The following MAGI2 variants were observed in gnomAD, a reference collection of about 807,000 sequenced individuals.
MAGI2 encodes membrane associated guanylate kinase, WW and PDZ domain containing 2.
MAGI2 carries 35 observed loss-of-function variants against 133.3 expected under a neutral mutation model. That is an observed-to-expected ratio of 0.26 (90% CI 0.20 to 0.35). MAGI2 has a LOEUF of 0.35. MAGI2 is among the 10% of genes least tolerant of loss of function. The pLI, the probability that MAGI2 is intolerant of heterozygous loss-of-function variation, is 1.00. For synonymous variants in MAGI2, 729 were observed against 710.6 expected (o/e 1.03, Z -0.41); for missense variants, 1,636 against 1,863.4 (o/e 0.88, Z 2.25).
At chr7:78,890,893 A>G (rs891495948) in intron 2 of MAGI2, among the ~76,000 whole-genome samples, 3 of 151,992 alleles carry the variant, frequency 2.0e-5, no homozygotes, top group East Asian at 1.9e-4. Context: ...AGAACTGAAG[A>G]AAATAGAGAC....
intron 1 of MAGI2, among the ~76,000 whole-genome samples, chr7:79,262,263 T>C (rs1380512035): frequency 2.0e-5 from 3 of 152,194 alleles, no homozygotes; most frequent in Non-Finnish European, 4.4e-5. Context: ...TTGTTTTATT[T>C]AAGGTTATTT....
At chr7:78,308,292 C>A (rs909545931) in intron 9 of MAGI2, among the ~76,000 whole-genome samples, 1 of 152,140 alleles carries the variant, frequency 6.6e-6, no homozygotes, top group Non-Finnish European at 1.5e-5. Flanking sequence ...TCTGAGGCCA[C>A]CTTGAAATGG....
chr7:79,015,996 A>G lies in MAGI2; in HGVS notation c.302-8790T>C, dbSNP rs948252266. On this transcript the variant is annotated intron_variant, in intron 1 of 21. Coordinates refer to ENST00000354212, the MANE Select transcript of MAGI2 (RefSeq NM_012301.4). The stretch of plus-strand genomic sequence containing the variant: ...TCTAGCCCTCAATGACTCCTGGAGA[A>G]GCGGGGGGGGGGGGTGGGGGTTGAG... Among the ~76,000 whole-genome samples the G allele has an allele frequency of 1.1e-3, 34 of 32,304 alleles. No individual in the cohort carries two copies. The East Asian group carries it at 0.058, about 55-fold the overall frequency. 21.2% of individuals were successfully genotyped at this position (32,304 alleles called of 152,430 possible). A position where few individuals can be genotyped will look rare whatever the true frequency, so the allele number is the denominator to read the frequency against.
intron 7 of MAGI2, among the ~76,000 whole-genome samples, chr7:78,351,174 G>T (rs561497870): frequency 1.3e-5 from 2 of 152,096 alleles, no homozygotes; most frequent in African/African-American, 4.8e-5. Context: ...CAGGAAAGAG[G>T]ATATATCTCA....
chr7:79,194,901 T>C (rs901835606), intron 1 of MAGI2, among the ~76,000 whole-genome samples: 2 of 151,914 alleles, frequency 1.3e-5, no homozygotes, highest in African/African-American at 4.8e-5. Context: ...ATGAGAAATA[T>C]CATACTAAAT....
chr7:78,867,760 G>T (rs891088446), intron 2 of MAGI2, among the ~76,000 whole-genome samples: 5 of 152,254 alleles, frequency 3.3e-5, no homozygotes, highest in East Asian at 1.9e-4. Flanking sequence ...TGGTGGGAGA[G>T]CTGGGGAGAC....
Position 78,037,428 on chromosome 7 carries a change from T to C in MAGI2, c.3707-17452A>G, listed in dbSNP as rs534106046. On this transcript the variant is annotated intron_variant, in intron 21 of 21. Transcript: ENST00000354212. The stretch of plus-strand genomic sequence containing the variant: ...AGACTATTTGGAACCATCTGAGCCC[T>C]CATCGGTGTTGATAAAGCCTGCCTA... Among the ~76,000 whole-genome samples, 12 of 152,322 alleles carry C rather than the reference T, an allele frequency of 7.9e-5. No homozygotes were observed. In the South Asian group the frequency reaches 2.1e-3, roughly 26 times the overall value.
At chr7:78,863,251 G>A (rs572359905) in intron 2 of MAGI2, among the ~76,000 whole-genome samples, 30 of 152,332 alleles carry the variant, frequency 2.0e-4, no homozygotes, top group Non-Finnish European at 2.9e-4. Context: ...CCACTTGTCT[G>A]TTTAGTGTTG....
chr7:78,976,485 C>A (rs1804263077), intron 2 of MAGI2, among the ~76,000 whole-genome samples: 1 of 144,914 alleles, frequency 6.9e-6, no homozygotes, highest in African/African-American at 2.8e-5. Flanking sequence ...ATAAATAAAT[C>A]ACCTAACATC....
At chr7:79,449,505 G>T (rs1849089953) in intron 1 of MAGI2, among the ~76,000 whole-genome samples, 1 of 152,100 alleles carries the variant, frequency 6.6e-6, no homozygotes, top group Admixed American at 6.5e-5. Context: ...TGGCTGCTGT[G>T]AACTTTAGTG....
chr7:78,501,486 T>TG, intron 5 of MAGI2, 91 bp downstream of exon 5: 1 of 877,358 alleles, frequency 1.1e-6, no homozygotes, highest in Non-Finnish European at 1.6e-6. Context: ...GTTTTTTTCT[T>TG]TTTTTTTTTT....
chr7:78,493,140 G>C (rs890795156), intron 5 of MAGI2, among the ~76,000 whole-genome samples: 1 of 152,162 alleles, frequency 6.6e-6, no homozygotes, highest in Non-Finnish European at 1.5e-5. Context: ...TAAGCCAGAA[G>C]TGAAATTTCA....
chr7:78,042,852 A>T (rs1370399750), intron 21 of MAGI2, among the ~76,000 whole-genome samples: 1 of 152,196 alleles, frequency 6.6e-6, no homozygotes, highest in Non-Finnish European at 1.5e-5. Flanking sequence ...ACATCTGGGG[A>T]TGCCAAATGC....
intron 1 of MAGI2, among the ~76,000 whole-genome samples, chr7:79,220,324 G>A (rs1406536748): frequency 2.0e-5 from 3 of 151,974 alleles, no homozygotes; most frequent in Non-Finnish European, 4.4e-5. Flanking sequence ...GACAGCCTTA[G>A]TCAAAACATG....
At chr7:78,975,682 T>C (rs1804181272) in intron 2 of MAGI2, among the ~76,000 whole-genome samples, 1 of 151,496 alleles carries the variant, frequency 6.6e-6, no homozygotes, top group Admixed American at 6.6e-5. Context: ...CAGATATCAA[T>C]GACACTGAAA....
intron 1 of MAGI2, among the ~76,000 whole-genome samples, chr7:79,095,028 A>G (rs182454440): frequency 8.5e-5 from 13 of 152,322 alleles, no homozygotes; most frequent in Middle Eastern, 3.4e-3. Flanking sequence ...GAAGCCAGGC[A>G]TTGAATTCCC....
intron 2 of MAGI2, among the ~76,000 whole-genome samples, chr7:78,982,440 C>T (rs573420620): frequency 3.3e-5 from 5 of 151,834 alleles, no homozygotes; most frequent in Non-Finnish European, 5.9e-5. Context: ...TTTGTAAGCA[C>T]TCATTTGATG....
intron 3 of MAGI2, among the ~76,000 whole-genome samples, chr7:78,602,609 A>C (rs964031628): frequency 6.6e-6 from 1 of 152,166 alleles, no homozygotes; most frequent in Admixed American, 6.5e-5. Context: ...AAAAGCTGAA[A>C]AGCATTTTTA....
intron 2 of MAGI2, among the ~76,000 whole-genome samples, chr7:78,732,080 A>G (rs949663026): frequency 6.6e-6 from 1 of 152,186 alleles, no homozygotes; most frequent in Non-Finnish European, 1.5e-5. Context: ...AAAAGAAAAG[A>G]AAAGAACAAT....
Sources: gnomAD v4.1 joint callset for allele counts (sites outside exome capture counted in the v4.1 genomes callset) on GRCh38, gnomAD v4.1.1 for gene constraint, MANE v1.5 for transcripts, NCBI Gene and HGNC (gene_info 2026-07-23, HGNC 2026-07-21) for gene names.